NPAS3: variants seen among roughly 807,000 people sequenced by gnomAD.
NPAS3 encodes the protein neuronal PAS domain protein 3.
NPAS3 carries 14 observed loss-of-function variants against 73.1 expected under a neutral mutation model. That is an observed-to-expected ratio of 0.19 (90% CI 0.13 to 0.30). NPAS3 has a LOEUF of 0.30. Ranked by LOEUF, NPAS3 falls within the 10% of genes least tolerant of loss-of-function variation. NPAS3 has a pLI of 1.00. For synonymous variants in NPAS3, 620 were observed against 541.5 expected (o/e 1.14, Z -2.01); for missense variants, 1,096 against 1,250.0 (o/e 0.88, Z 1.86).
chr14:33,357,648 T>C (rs1437167382), intron 3 of NPAS3, among the ~76,000 whole-genome samples: 1 of 152,238 alleles, frequency 6.6e-6, no homozygotes, highest in Non-Finnish European at 1.5e-5. Flanking sequence ...CCCTGTGCTC[T>C]AGAGTGTTCG....
chr14:33,271,369 G>A (rs2041070019), intron 3 of NPAS3, among the ~76,000 whole-genome samples: 1 of 152,104 alleles, frequency 6.6e-6, no homozygotes, highest in Non-Finnish European at 1.5e-5. Context: ...TAGGTCTCAT[G>A]GCTGGCTTCA....
chr14:33,544,820 A>ATT (rs11377851), intron 4 of NPAS3, among the ~76,000 whole-genome samples: 2,836 of 98,208 alleles, frequency 0.029, 250 homozygotes, highest in Non-Finnish European at 0.033. Context: ...ATGTATATAT[A>ATT]ATATATATGT....
intron 5 of NPAS3, among the ~76,000 whole-genome samples, chr14:33,652,565 G>A (rs778931551): frequency 5.3e-5 from 8 of 152,110 alleles, no homozygotes; most frequent in Non-Finnish European, 1.0e-4. Flanking sequence ...GGGGACCGCC[G>A]GCAACTTCTG....
intron 2 of NPAS3, among the ~76,000 whole-genome samples, chr14:33,151,462 T>C (rs550794193): frequency 1.3e-5 from 2 of 152,250 alleles, no homozygotes; most frequent in Non-Finnish European, 2.9e-5. Context: ...CGTCAGTTTG[T>C]ATAAAAGAGG....
At chr14:33,047,846 G>C (rs764788240) in intron 1 of NPAS3, among the ~76,000 whole-genome samples, 20 of 152,170 alleles carry the variant, frequency 1.3e-4, no homozygotes, top group Non-Finnish European at 2.6e-4. Context: ...TTTCTCAGTG[G>C]AAGGACAAGT....
chr14:33,381,920 G>A (rs1017570225), intron 4 of NPAS3, among the ~76,000 whole-genome samples: 2 of 152,104 alleles, frequency 1.3e-5, no homozygotes, highest in Non-Finnish European at 2.9e-5. Flanking sequence ...ATAGCCGGTG[G>A]GCTGTATTGA....
chr14:33,544,001 A>C (rs1281214755), intron 4 of NPAS3, among the ~76,000 whole-genome samples: 78 of 66,444 alleles, frequency 1.2e-3, no homozygotes, highest in Non-Finnish European at 1.6e-3. Context: ...ATATATATAT[A>C]TCTATATCAG....
At chr14:33,101,405 C>A (rs1267879255) in intron 2 of NPAS3, among the ~76,000 whole-genome samples, 2 of 152,064 alleles carry the variant, frequency 1.3e-5, no homozygotes, top group East Asian at 3.9e-4. Context: ...CAGATGGCAA[C>A]ATATGAACAA....
intron 1 of NPAS3, among the ~76,000 whole-genome samples, chr14:33,010,113 T>C (rs1234014369): frequency 1.3e-5 from 2 of 152,190 alleles, no homozygotes; most frequent in Non-Finnish European, 2.9e-5. Context: ...GTAAATAAAA[T>C]GTTATCATCT....
chr14:33,195,276 C>G (rs973497699), intron 2 of NPAS3, among the ~76,000 whole-genome samples: 6 of 150,254 alleles, frequency 4.0e-5, no homozygotes, highest in South Asian at 2.1e-4. Context: ...GTTTTGTTTT[C>G]TTTTGTTTTT....
Position 33,361,540 on chromosome 14 carries a change from T to C in NPAS3, c.386-5646T>C, listed in dbSNP as rs576408865. The stretch of plus-strand genomic sequence containing the variant: ...CCAAAAGCAGTTCATTTATAAGTAT[T>C]AAAATTTGCACAGTCGCCTCATCCC... On this transcript the variant is annotated intron_variant, in intron 3 of 11. Coordinates refer to ENST00000356141, the Ensembl canonical transcript of NPAS3. Among the ~76,000 whole-genome samples the C allele has an allele frequency of 1.1e-3, 173 of 152,338 alleles. 2 individuals are homozygous for C. Among genetic ancestry groups the C allele is most frequent in the Non-Finnish European group, 4.9e-4 (33 of 68,030 alleles).
chr14:33,027,438 T>C (rs1472801407), intron 1 of NPAS3, among the ~76,000 whole-genome samples: 1 of 152,122 alleles, frequency 6.6e-6, no homozygotes, highest in East Asian at 1.9e-4. Context: ...TATAATGAGT[T>C]TGTTAGAAAG....
rs944931722 is a variant in NPAS3, at chr14:33,179,706, G to A, written c.141-35476G>A. Among the ~76,000 whole-genome samples the A allele has an allele frequency of 2.0e-4, 30 of 152,188 alleles. No individual in the cohort carries two copies. In the East Asian group the frequency reaches 5.6e-3, roughly 28 times the overall value. ...CTACAACTAAAGAATACCATACGAT[G>A]GGGTCATTTTTATATTTTTACATTC... On this transcript the variant is annotated intron_variant, in intron 2 of 11. Transcript: ENST00000356141.
chr14:33,753,713 A>G (rs2062031843), intron 7 of NPAS3, among the ~76,000 whole-genome samples: 1 of 152,226 alleles, frequency 6.6e-6, no homozygotes, highest in African/African-American at 2.4e-5. Context: ...CAGCTACAAC[A>G]GGCAAACACT....
intron 1 of NPAS3, among the ~76,000 whole-genome samples, chr14:32,943,200 G>A (rs1313705771): frequency 6.6e-6 from 1 of 151,768 alleles, no homozygotes; most frequent in Non-Finnish European, 1.5e-5. Context: ...GTTACATGAG[G>A]TGTTTTCACC....
chr14:33,498,076 CA>C lies in NPAS3; in HGVS notation c.469-62042del, dbSNP rs1368822190. Among the ~76,000 whole-genome samples, 8 of 152,168 alleles carry C rather than the reference CA, an allele frequency of 5.3e-5. No homozygotes were observed. In the East Asian group the frequency reaches 1.6e-3, roughly 30 times the overall value. On this transcript the variant is annotated intron_variant, in intron 4 of 11. Coordinates refer to ENST00000356141, the Ensembl canonical transcript of NPAS3. ...CAAAACAAGACTTTTATGTGGCCAA[CA>C]AACATATGAAAAAAAGCTCATCATC... is the stretch of plus-strand genomic sequence containing the variant.
chr14:33,475,438 A>G (rs1188093591), intron 4 of NPAS3, among the ~76,000 whole-genome samples: 1 of 152,032 alleles, frequency 6.6e-6, no homozygotes, highest in Non-Finnish European at 1.5e-5. Context: ...TTTAACTTAG[A>G]GAACATCTGT....
intron 2 of NPAS3, among the ~76,000 whole-genome samples, chr14:33,105,029 C>A (rs2042681990): frequency 6.6e-6 from 1 of 152,044 alleles, no homozygotes; most frequent in Non-Finnish European, 1.5e-5. Flanking sequence ...GGAGAGGGTT[C>A]ATGATGTGGG....
At chr14:33,416,269 C>T (rs1276092122) in intron 4 of NPAS3, among the ~76,000 whole-genome samples, 4 of 151,898 alleles carry the variant, frequency 2.6e-5, no homozygotes, top group African/African-American at 4.8e-5. Context: ...TGAAGAACAA[C>T]AAGAACTCTA....
Sources: allele counts gnomAD v4.1 joint callset (sites outside exome capture counted in the v4.1 genomes callset), GRCh38; gene constraint gnomAD v4.1.1; transcripts MANE v1.5; gene names NCBI Gene and HGNC (gene_info 2026-07-23, HGNC 2026-07-21).